The following PKHD1L1 variants were observed in gnomAD, a reference collection of about 807,000 sequenced individuals.
The protein encoded by PKHD1L1 is fibrocystin-L.
PKHD1L1 carries 434 observed loss-of-function variants against 462.9 expected under a neutral mutation model. The ratio of observed to expected loss-of-function variants is 0.94; its 90% CI spans 0.87 to 1.02. PKHD1L1 has a LOEUF of 1.02. Among genes scored for constraint, PKHD1L1 ranks in the 50% least tolerant of loss-of-function variants. The pLI is 0.00. For missense variants in PKHD1L1, 5,202 were observed against 5,096.1 expected (o/e 1.02, Z -0.63); for synonymous variants, 1,781 against 1,750.0 (o/e 1.02, Z -0.44).
At chr8:109,461,954 C>A in intron 48 of PKHD1L1, 46 bp downstream of exon 48, 2 of 1,552,496 alleles carry the variant, frequency 1.3e-6, no homozygotes, top group African/African-American at 1.4e-5. Context: ...TCAAGGTTAT[C>A]CATACAAGAA....
At chr8:109,461,477 A>G (rs895214579) in intron 47 of PKHD1L1, among the ~76,000 whole-genome samples, 2 of 152,214 alleles carry the variant, frequency 1.3e-5, no homozygotes, top group African/African-American at 4.8e-5. Context: ...GGAAGGCTTC[A>G]TAAATAATAA....
Position 109,379,057 on chromosome 8 carries a change from A to C in PKHD1L1, c.164-2313A>C, listed in dbSNP as rs577297066. ...AATGGCCATGGGGTGGAGGCCATGC[A>C]TGAGCCAACAACATGGACTCCCTTT... On this transcript the variant is annotated intron_variant, in intron 2 of 77. Transcript: ENST00000378402. Among the ~76,000 whole-genome samples, 12 of 152,270 alleles carry C rather than the reference A, an allele frequency of 7.9e-5. No homozygotes were observed. In the East Asian group the frequency reaches 1.7e-3, roughly 22 times the overall value.
At chr8:109,455,243 C>T (rs1331644956) in intron 45 of PKHD1L1, among the ~76,000 whole-genome samples, 2 of 152,208 alleles carry the variant, frequency 1.3e-5, no homozygotes, top group Admixed American at 6.5e-5. Context: ...GAGGCTGAGG[C>T]AGGAGAATCA....
At chr8:109,529,923 A>G (rs908682293) in intron 77 of PKHD1L1, among the ~76,000 whole-genome samples, 157 bp from the exon 78 acceptor site, 2 of 152,156 alleles carry the variant, frequency 1.3e-5, no homozygotes, top group Non-Finnish European at 2.9e-5. Flanking sequence ...TTTCTACAAA[A>G]AAACCATTAC....
At chr8:109,523,516 C>A in intron 76 of PKHD1L1, 130 bp downstream of exon 76, 1 of 866,960 alleles carries the variant, frequency 1.2e-6, no homozygotes, top group East Asian at 2.8e-5. Flanking sequence ...CTATATTTTG[C>A]CTTGTTTCAG....
At chr8:109,408,342 C>T (rs1586449613) in intron 18 of PKHD1L1, 136 bp downstream of exon 18, 1 of 793,680 alleles carries the variant, frequency 1.3e-6, no homozygotes, top group East Asian at 2.9e-5. Flanking sequence ...CTGATCAACT[C>T]ACCACAATTT....
In PKHD1L1 at chr8:109,406,497, T is replaced by C. The variant is rs752099150; in HGVS notation, c.1813+19T>C. 8.9e-6 allele frequency: 14 copies of C among 1,576,236 alleles called. No homozygotes were observed. Among genetic ancestry groups the C allele is most frequent in the Non-Finnish European group, 1.0e-5 (12 of 1,162,072 alleles). On this transcript the variant is annotated intron_variant, in intron 17 of 77. Transcript: ENST00000378402. ...ACTAGAGGTAAGCATGTACTTAATT[T>C]TGTACTTCTGTAGGAAACAAATGTA...
chr8:109,408,235 AT>A, intron 18 of PKHD1L1, 29 bp downstream of exon 18: 3 of 1,593,448 alleles, frequency 1.9e-6, no homozygotes, highest in South Asian at 1.1e-5. Context: ...TCTACCACGC[AT>A]TTTCCCTGCA....
chr8:109,470,982 T>C, intron 50 of PKHD1L1: 1 of 1,610,658 alleles, frequency 6.2e-7, no homozygotes, highest in Non-Finnish European at 8.5e-7. Flanking sequence ...CTCGAGTCCA[T>C]AGGCATCCCG....
At chr8:109,508,765 T>G (rs917856531) in intron 70 of PKHD1L1, among the ~76,000 whole-genome samples, 1 of 152,102 alleles carries the variant, frequency 6.6e-6, no homozygotes, top group African/African-American at 2.4e-5. Flanking sequence ...CGTCTCTAAT[T>G]CCTTTGACTG....
At chr8:109,404,490 T>C in intron 14 of PKHD1L1, 64 bp from the exon 15 acceptor site, 2 of 984,478 alleles carry the variant, frequency 2.0e-6, no homozygotes, top group East Asian at 5.9e-5. Context: ...TTTTATTCAT[T>C]AAAATAATTT....
At position 109,427,136 on chromosome 8, in the gene PKHD1L1, G is replaced by C; in HGVS notation, c.2980G>C (p.Gly994Arg). 6.2e-7 allele frequency: 1 copy of C among 1,613,678 alleles called. No individual in the cohort carries two copies. The highest frequency in any genetic ancestry group is 8.5e-7 in the Non-Finnish European group (1 of 1,179,704). Residue 994 changes from glycine to arginine, a missense_variant, in exon 25 of 78, where the codon GGA (glycine) becomes CGA (arginine). Physicochemically the swap from Gly to Arg is moderately radical, Grantham distance 125. Transcript: ENST00000378402. ...GAACATCAAATGGAGAAGCACCTGC[G>C]GAAAGCAGAATCTTCTACAGGTTCC... ...AWNIKWRSTC[G>R]KQNLLQINDS...
At chr8:109,424,139 A>T (rs1814617434) in intron 23 of PKHD1L1, among the ~76,000 whole-genome samples, 1 of 152,094 alleles carries the variant, frequency 6.6e-6, no homozygotes, top group Non-Finnish European at 1.5e-5. Context: ...TCACCCCAAT[A>T]ACCACTCTTT....
intron 50 of PKHD1L1, among the ~76,000 whole-genome samples, chr8:109,472,846 G>A (rs906772482): frequency 1.4e-4 from 22 of 152,072 alleles, no homozygotes; most frequent in African/African-American, 5.3e-4. Flanking sequence ...TATGTATGCT[G>A]AGTGAAACAA....
chr8:109,419,820 C>T (rs1405918753), intron 22 of PKHD1L1, among the ~76,000 whole-genome samples: 1 of 152,070 alleles, frequency 6.6e-6, no homozygotes, highest in Admixed American at 6.6e-5. Context: ...TCCAAACAGT[C>T]ACCTTAAAAG....
At chr8:109,377,440 TA>T (rs1206008917) in intron 2 of PKHD1L1, among the ~76,000 whole-genome samples, 5 of 152,216 alleles carry the variant, frequency 3.3e-5, no homozygotes, top group African/African-American at 1.2e-4. Flanking sequence ...AAATAGCTTA[TA>T]AATTTACAAT....
At chr8:109,449,567 T>C in intron 40 of PKHD1L1, 80 bp downstream of exon 40, 1 of 1,293,302 alleles carries the variant, frequency 7.7e-7, no homozygotes, top group South Asian at 1.8e-5. Flanking sequence ...TTTTTCAAGT[T>C]CTTGGATTCC....
chr8:109,381,287 C>T (rs745573763), intron 2 of PKHD1L1, 83 bp from the exon 3 acceptor site: 20 of 1,102,532 alleles, frequency 1.8e-5, no homozygotes, highest in Admixed American at 2.4e-5. Flanking sequence ...TCATTTACTG[C>T]ATGATTTGAT....
chr8:109,518,624 T>A, intron 73 of PKHD1L1, 116 bp downstream of exon 73: 1 of 819,378 alleles, frequency 1.2e-6, no homozygotes, highest in Non-Finnish European at 1.9e-6. Context: ...CCCCACATCC[T>A]GAACCCTCTA....
Sources: gnomAD v4.1 joint callset for allele counts (sites outside exome capture counted in the v4.1 genomes callset) on GRCh38, gnomAD v4.1.1 for gene constraint, MANE v1.5 for transcripts, NCBI Gene and HGNC (gene_info 2026-07-23, HGNC 2026-07-21) for gene names.